ADGRL2: variants seen among roughly 807,000 people sequenced by gnomAD.
ADGRL2 encodes calcium-independent alpha-latrotoxin receptor 2.
ADGRL2 carries 44 observed loss-of-function variants against 157.4 expected under a neutral mutation model. The observed-to-expected ratio is 0.28, with a 90% CI of 0.22 to 0.36. ADGRL2 has a LOEUF of 0.36. Ranked by LOEUF, ADGRL2 falls within the 10% of genes least tolerant of loss-of-function variation. The pLI is 1.00. For missense variants in ADGRL2, 1,510 were observed against 1,768.9 expected, an observed-to-expected ratio of 0.85 and a Z score of 2.63; for synonymous variants, 585 against 624.7, an observed-to-expected ratio of 0.94 and a Z score of 0.95.
intron 1 of ADGRL2, among the ~76,000 whole-genome samples, chr1:81,334,253 C>T (rs1661472486): frequency 6.6e-6 from 1 of 152,246 alleles, no homozygotes; most frequent in South Asian, 2.1e-4. Flanking sequence ...CTTGGTTCCT[C>T]TTCTATAAAA....
chr1:81,450,435 C>T (rs911443490), intron 2 of ADGRL2, among the ~76,000 whole-genome samples: 1 of 152,046 alleles, frequency 6.6e-6, no homozygotes, highest in Non-Finnish European at 1.5e-5. Context: ...GTATTGGCCC[C>T]AGTCTAAAGA....
chr1:81,397,681 T>C (rs12132013), intron 1 of ADGRL2, among the ~76,000 whole-genome samples: 4,162 of 152,266 alleles, frequency 0.027, 85 homozygotes, highest in Middle Eastern at 0.092. Context: ...TTTTAGATAA[T>C]TGTTATTATT....
chr1:81,790,346 A>C (rs2087273312), intron 2 of ADGRL2, among the ~76,000 whole-genome samples: 1 of 152,058 alleles, frequency 6.6e-6, no homozygotes, highest in African/African-American at 2.4e-5. Flanking sequence ...ATTTGTCTAC[A>C]TTTTTGTTTC....
In ADGRL2 at chr1:81,399,247, C is replaced by T. The variant is rs78833922; in HGVS notation, c.-301-45789C>T. Among the ~76,000 whole-genome samples the T allele has an allele frequency of 7.2e-3, 1,097 of 152,262 alleles. 17 individuals carry two copies. Among genetic ancestry groups the T allele is most frequent in the South Asian group, 0.055 (264 of 4,816 alleles). On this transcript the variant is annotated intron_variant, in intron 1 of 24. Transcript: ENST00000370721. ...AAATCCACCCCTGTGATCCAATCAC[C>T]TCCCACCAGGCTCTGCCTCCAATTC...
chr1:81,692,025 G>GAT (rs144799195), intron 3 of ADGRL2, among the ~76,000 whole-genome samples: 2,712 of 150,442 alleles, frequency 0.018, 89 homozygotes, highest in African/African-American at 0.063. Flanking sequence ...CAGTATATAT[G>GAT]ATATATATAT....
intron 1 of ADGRL2, among the ~76,000 whole-genome samples, chr1:81,720,779 A>G (rs560426390): frequency 1.1e-3 from 167 of 151,986 alleles, no homozygotes; most frequent in Admixed American, 5.2e-4. Context: ...AAGCAGTGTA[A>G]GAAAATATTA....
intron 2 of ADGRL2, among the ~76,000 whole-genome samples, chr1:81,852,518 C>G (rs1420618259): frequency 6.6e-6 from 1 of 152,054 alleles, no homozygotes; most frequent in East Asian, 1.9e-4. Flanking sequence ...AAAATTCTCC[C>G]CGATACAACA....
chr1:81,546,588 T>C (rs1477489381), intron 2 of ADGRL2, among the ~76,000 whole-genome samples: 2 of 152,212 alleles, frequency 1.3e-5, no homozygotes, highest in South Asian at 2.1e-4. Context: ...ATTGATTGGA[T>C]CTTCTTCATA....
At chr1:81,852,023 A>G (rs2093031263) in intron 2 of ADGRL2, among the ~76,000 whole-genome samples, 1 of 152,010 alleles carries the variant, frequency 6.6e-6, no homozygotes. Flanking sequence ...TCTAGCTTCA[A>G]GTACTTGGTA....
At chr1:81,906,313 C>T (rs191549347) in intron 2 of ADGRL2, among the ~76,000 whole-genome samples, 28 of 152,280 alleles carry the variant, frequency 1.8e-4, no homozygotes, top group Non-Finnish European at 3.2e-4. Context: ...TTTTTAAAAT[C>T]ATACCAGTAT....
chr1:81,762,778 C>T (rs959098214), intron 2 of ADGRL2, among the ~76,000 whole-genome samples: 2 of 151,906 alleles, frequency 1.3e-5, no homozygotes, highest in Non-Finnish European at 2.9e-5. Context: ...AAAGGCCAGG[C>T]GCGGTGGCTC....
chr1:81,887,382 AT>A (rs2094150228), intron 2 of ADGRL2, among the ~76,000 whole-genome samples: 1 of 152,200 alleles, frequency 6.6e-6, no homozygotes, highest in Non-Finnish European at 1.5e-5. Context: ...TCAAATTGTG[AT>A]TTCCAACCCA....
intron 1 of ADGRL2, among the ~76,000 whole-genome samples, chr1:81,413,632 T>C (rs903065054): frequency 2.0e-5 from 3 of 152,208 alleles, no homozygotes; most frequent in Admixed American, 1.3e-4. Context: ...TGACTACTTA[T>C]CAGGGTTTAA....
At chr1:81,918,358 C>T (rs2094906753) in intron 3 of ADGRL2, among the ~76,000 whole-genome samples, 1 of 151,978 alleles carries the variant, frequency 6.6e-6, no homozygotes, top group Non-Finnish European at 1.5e-5. Flanking sequence ...GAGCCAGAAG[C>T]TAGTCTATGG....
chr1:81,967,957 T>C, intron 13 of ADGRL2, 69 bp from the exon 14 acceptor site: 2 of 1,246,750 alleles, frequency 1.6e-6, no homozygotes, highest in Non-Finnish European at 2.3e-6. Flanking sequence ...CTTTTATACA[T>C]ATTAAACAAT....
At chr1:81,569,686 T>A (rs2080642746) in intron 2 of ADGRL2, among the ~76,000 whole-genome samples, 1 of 152,148 alleles carries the variant, frequency 6.6e-6, no homozygotes, top group Admixed American at 6.5e-5. Context: ...GGTGCACATC[T>A]GTAGTCCCAA....
In ADGRL2 at chr1:81,322,864, T is replaced by G. The variant is rs114062766; in HGVS notation, c.-302+16355T>G. The stretch of plus-strand genomic sequence containing the variant: ...TGGATATCTTTCTTTTGATGTTTTT[T>G]GTTTGTTTGTTGAGACACGGCCTCA... On this transcript the variant is annotated intron_variant, in intron 1 of 24. Coordinates refer to the ADGRL2 transcript ENST00000370721. Among the ~76,000 whole-genome samples, 1,322 of 152,242 alleles carry G rather than the reference T, an allele frequency of 8.7e-3. 17 individuals carry two copies. Among genetic ancestry groups the G allele is most frequent in the African/African-American group, 0.03 (1,262 of 41,528 alleles).
At chr1:81,559,857 A>ATAAACATCTTTAATAGTTTAATAT (rs1470702121) in intron 2 of ADGRL2, among the ~76,000 whole-genome samples, 11 of 152,226 alleles carry the variant, frequency 7.2e-5, no homozygotes, top group Non-Finnish European at 1.3e-4. Flanking sequence ...TATGTACATC[A>ATAAACATCTTTAATAGTTTAATAT]TAAACATCTT....
At chr1:81,763,988 A>G (rs2086008316) in intron 2 of ADGRL2, among the ~76,000 whole-genome samples, 1 of 152,052 alleles carries the variant, frequency 6.6e-6, no homozygotes, top group African/African-American at 2.4e-5. Context: ...CCTGGGCGAC[A>G]GTGAGACTCT....
Sources: gnomAD v4.1 joint callset for allele counts (sites outside exome capture counted in the v4.1 genomes callset) on GRCh38, gnomAD v4.1.1 for gene constraint, MANE v1.5 for transcripts, NCBI Gene and HGNC (gene_info 2026-07-23, HGNC 2026-07-21) for gene names.